INSL6: variants seen among roughly 807,000 people sequenced by gnomAD.
INSL6 encodes insulin like 6, also known as insulin-like peptide INSL6.
In INSL6, 16 loss-of-function variants were observed where a neutral mutation model predicts 9.4. That is an observed-to-expected ratio of 1.70 (90% CI 1.15 to 2.59). The LOEUF (loss-of-function observed/expected upper bound fraction) is 2.59, where lower values mean the gene tolerates loss of function less well. INSL6 is among the 30% of genes most tolerant of loss of function. The probability of loss-of-function intolerance (pLI) is 0.00; values close to 1 mark genes in which losing one functional copy is unlikely to be tolerated. For missense variants in INSL6, 391 were observed against 257.3 expected (o/e 1.52, Z -3.56); for synonymous variants, 154 against 96.9 (o/e 1.59, Z -3.46).
At chr9:5,142,482 C>T (rs1824520188) in intron 2 of INSL6, among the ~76,000 whole-genome samples, 2 of 152,054 alleles carry the variant, frequency 1.3e-5, no homozygotes, top group Admixed American at 1.3e-4. Context: ...GAGTTTGTTC[C>T]CGATTTGGCT....
At chr9:5,167,187 G>A (rs1457329947) in intron 1 of INSL6, among the ~76,000 whole-genome samples, 2 of 152,234 alleles carry the variant, frequency 1.3e-5, no homozygotes, top group African/African-American at 4.8e-5. Flanking sequence ...AGCCAAGGGA[G>A]GCAGTGAGGG....
intron 2 of INSL6, among the ~76,000 whole-genome samples, chr9:5,153,164 G>A (rs1028246751): frequency 6.6e-6 from 1 of 151,480 alleles, no homozygotes; most frequent in Non-Finnish European, 1.5e-5. Context: ...TCATACCCCA[G>A]TGGCGCCTGG....
chr9:5,033,178 A>G, the INSL6 span, among the ~76,000 whole-genome samples: 1 of 152,196 alleles, frequency 6.6e-6, no homozygotes, highest in Non-Finnish European at 1.5e-5. Context: ...AAATGAAGTG[A>G]GAAGAGAAGT....
chr9:5,157,157 C>G (rs1335919347), intron 2 of INSL6, among the ~76,000 whole-genome samples: 1 of 152,130 alleles, frequency 6.6e-6, no homozygotes, highest in Non-Finnish European at 1.5e-5. Flanking sequence ...GTTCATGGAT[C>G]TGAAGGCTCA....
At chr9:4,997,921 T>G in the INSL6 span, among the ~76,000 whole-genome samples, 1 of 152,322 alleles carries the variant, frequency 6.6e-6, no homozygotes, top group East Asian at 1.9e-4. Flanking sequence ...GTGCTTAATT[T>G]TTTTTTAATC....
At chr9:5,020,001 T>G in the INSL6 span, among the ~76,000 whole-genome samples, 1 of 152,172 alleles carries the variant, frequency 6.6e-6, no homozygotes, top group African/African-American at 2.4e-5. Context: ...GTCCAGGCAG[T>G]CCAATTTTTG....
chr9:5,073,086 A>G, the INSL6 span, among the ~76,000 whole-genome samples: 1 of 152,224 alleles, frequency 6.6e-6, no homozygotes, highest in African/African-American at 2.4e-5. Flanking sequence ...AGCTCTGAAC[A>G]TAGCAAGATA....
the INSL6 span, chr9:5,064,814 A>C: frequency 8.1e-7 from 1 of 1,234,418 alleles, no homozygotes; most frequent in Admixed American, 2.6e-5. Context: ...GGAATGAAGA[A>C]AATTTTCAAT....
At chr9:5,099,556 A>G in the INSL6 span, 1 of 152,240 alleles carries the variant, frequency 6.6e-6, no homozygotes, top group African/African-American at 2.4e-5. Context: ...CTTCCTGAGA[A>G]TTAAAATGAA....
the INSL6 span, among the ~76,000 whole-genome samples, chr9:5,063,794 T>TA: frequency 6.6e-6 from 1 of 152,258 alleles, no homozygotes; most frequent in South Asian, 2.1e-4. Context: ...AAAAATATAA[T>TA]ACGTCTATAT....
intron 2 of INSL6, among the ~76,000 whole-genome samples, chr9:5,150,442 C>T (rs185135432): frequency 3.9e-4 from 60 of 152,144 alleles, no homozygotes; most frequent in Non-Finnish European, 1.5e-5. Flanking sequence ...AGGACATGAA[C>T]ATTTTTAATG....
chr9:5,068,384 A>C, the INSL6 span, among the ~76,000 whole-genome samples: 1 of 150,820 alleles, frequency 6.6e-6, no homozygotes, highest in Non-Finnish European at 1.5e-5. Context: ...AAAGATAATT[A>C]TACAAATACA....
intron 2 of INSL6, among the ~76,000 whole-genome samples, chr9:5,136,980 GACAA>G (rs1172235095): frequency 3.3e-5 from 5 of 151,916 alleles, no homozygotes; most frequent in African/African-American, 1.2e-4. Flanking sequence ...ACCAATAACA[GACAA>G]ACAGCCAAAT....
At chr9:5,084,102 A>T in the INSL6 span, among the ~76,000 whole-genome samples, 2 of 152,130 alleles carry the variant, frequency 1.3e-5, no homozygotes, top group African/African-American at 2.4e-5. Context: ...TGAGCTTAAA[A>T]TTCTTTTAAA....
chr9:5,132,650 C>T (rs562935158), intron 3 of INSL6, among the ~76,000 whole-genome samples: 2 of 152,166 alleles, frequency 1.3e-5, no homozygotes, highest in African/African-American at 4.8e-5. Context: ...CGTACAACTT[C>T]AAGTTGCATC....
At chr9:5,084,536 AT>A in the INSL6 span, among the ~76,000 whole-genome samples, 3 of 152,136 alleles carry the variant, frequency 2.0e-5, no homozygotes, top group Admixed American at 6.6e-5. Context: ...ATAATGGTAT[AT>A]TTTTTTATTT....
the INSL6 span, chr9:5,090,669 T>C: frequency 3.3e-6 from 5 of 1,523,104 alleles, no homozygotes; most frequent in Admixed American, 8.7e-5. Context: ...AAAGGGAATA[T>C]ATAGGGTTAA....
At chr9:5,080,285 T>A in the INSL6 span, 13 of 1,613,626 alleles carry the variant, frequency 8.1e-6, no homozygotes, top group African/African-American at 9.3e-5. Context: ...TCCTAAAAAT[T>A]TAAATTTGGC....
intron 2 of INSL6, among the ~76,000 whole-genome samples, chr9:5,136,228 C>T (rs1390010014): frequency 6.6e-6 from 1 of 151,578 alleles, no homozygotes; most frequent in Non-Finnish European, 1.5e-5. Flanking sequence ...TGAAAGTATT[C>T]CAAACAATTG....
Sources: gnomAD v4.1 joint callset for allele counts (sites outside exome capture counted in the v4.1 genomes callset) on GRCh38, gnomAD v4.1.1 for gene constraint, MANE v1.5 for transcripts, NCBI Gene and HGNC (gene_info 2026-07-23, HGNC 2026-07-21) for gene names.